The following NSRP1 variants were observed in gnomAD, a reference collection of about 807,000 sequenced individuals.
NSRP1 encodes the protein coiled-coil domain containing 55.
A neutral mutation model predicts 54.7 loss-of-function variants in NSRP1; 24 were observed. That is an observed-to-expected ratio of 0.44 (90% CI 0.32 to 0.62). NSRP1 has a LOEUF of 0.62. Ranked by LOEUF, NSRP1 falls within the 20% of genes least tolerant of loss-of-function variation. NSRP1 has a pLI of 0.06. For missense variants in NSRP1, 596 were observed against 651.2 expected, an observed-to-expected ratio of 0.92 and a Z score of 0.92; for synonymous variants, 210 against 213.8, an observed-to-expected ratio of 0.98 and a Z score of 0.15.
At chr17:30,141,473 A>G (rs139538507) in intron 2 of NSRP1, among the ~76,000 whole-genome samples, 61 of 152,280 alleles carry the variant, frequency 4.0e-4, no homozygotes, top group African/African-American at 1.4e-3. Flanking sequence ...TTTTGTCTAT[A>G]AACATGTCCA....
chr17:30,168,514 A>G (rs1904814852), intron 2 of NSRP1, among the ~76,000 whole-genome samples: 1 of 150,952 alleles, frequency 6.6e-6, no homozygotes, highest in Non-Finnish European at 1.5e-5. Context: ...ATTACATAGT[A>G]TAATTATTAT....
intron 2 of NSRP1, among the ~76,000 whole-genome samples, chr17:30,170,466 C>T (rs1230062253): frequency 2.0e-5 from 3 of 152,122 alleles, no homozygotes; most frequent in Non-Finnish European, 4.4e-5. Context: ...TCTCACCCCA[C>T]CCCTAGTAAC....
At chr17:30,150,414 GCT>G (rs1390422175) in intron 2 of NSRP1, 1 of 148,760 alleles carries the variant, frequency 6.7e-6, no homozygotes, top group Non-Finnish European at 1.5e-5. Flanking sequence ...ACGGAGTCTC[GCT>G]CTGTCACCCA....
At chr17:30,180,213 GTCGTA>G (rs1905250022) in intron 5 of NSRP1, among the ~76,000 whole-genome samples, 2 of 152,162 alleles carry the variant, frequency 1.3e-5, no homozygotes, top group Non-Finnish European at 2.9e-5. Flanking sequence ...CTGGAGTGCA[GTCGTA>G]TGATCTTGGC....
chr17:30,185,315 C>G lies in NSRP1; in HGVS notation c.1318C>G (p.Arg440Gly), dbSNP rs115609438. The G allele has an allele frequency of 7.1e-4, 1,145 of 1,605,330 alleles. 7 individuals carry two copies. The African/African-American group carries it at 0.013, about 18-fold the overall frequency. ...NNDKYRDREK[R>G]EVGVQSSERN... ...TGATAAATACAGAGATAGAGAAAAA[C>G]GAGAGGTAGGTGTTCAGTCTTCAGA... The change falls in exon 7 of 7, where the codon CGA becomes GGA. Residue 440 changes from arginine (R) to glycine (G), a missense_variant. Physicochemically the swap from Arg to Gly is moderately radical, Grantham distance 125. Coordinates refer to ENST00000247026, the MANE Select transcript of NSRP1 (RefSeq NM_032141.4).
intron 2 of NSRP1, among the ~76,000 whole-genome samples, chr17:30,162,038 T>C (rs1904534597): frequency 6.6e-6 from 1 of 151,348 alleles, no homozygotes; most frequent in Admixed American, 6.6e-5. Flanking sequence ...TTTTTTTTTT[T>C]TGAGATGGAG....
chr17:30,119,767 T>G (rs2071580747), intron 2 of NSRP1, among the ~76,000 whole-genome samples: 1 of 152,222 alleles, frequency 6.6e-6, no homozygotes. Context: ...CCTCCCAAAG[T>G]GCTGGAATTA....
intron 2 of NSRP1, among the ~76,000 whole-genome samples, chr17:30,166,062 C>CA (rs1904718967): frequency 6.6e-6 from 1 of 151,896 alleles, no homozygotes; most frequent in African/African-American, 2.4e-5. Context: ...AGCATTTCTT[C>CA]AGCCATATAT....
intron 2 of NSRP1, among the ~76,000 whole-genome samples, chr17:30,143,671 G>A (rs891161993): frequency 8.5e-5 from 13 of 152,070 alleles, no homozygotes; most frequent in African/African-American, 2.9e-4. Context: ...ACAAACTTAC[G>A]GAGTTTTTCT....
At chr17:30,183,968 A>C (rs1297245439) in intron 6 of NSRP1, among the ~76,000 whole-genome samples, 5 of 152,214 alleles carry the variant, frequency 3.3e-5, no homozygotes, top group African/African-American at 9.6e-5. Context: ...TTGGGAGGCC[A>C]GGGTGGTTGG....
At chr17:30,152,192 G>A (rs1356460164) in intron 2 of NSRP1, among the ~76,000 whole-genome samples, 4 of 151,664 alleles carry the variant, frequency 2.6e-5, no homozygotes, top group African/African-American at 7.3e-5. Context: ...GCGCGATCTC[G>A]GCTCACGGCA....
At chr17:30,151,690 A>G (rs950613381) in intron 2 of NSRP1, among the ~76,000 whole-genome samples, 2 of 151,388 alleles carry the variant, frequency 1.3e-5, no homozygotes, top group African/African-American at 4.9e-5. Context: ...CTTAAAATCT[A>G]CATATAGGTG....
chr17:30,123,412 G>A (rs965745183), intron 2 of NSRP1, among the ~76,000 whole-genome samples: 5 of 152,138 alleles, frequency 3.3e-5, no homozygotes, highest in African/African-American at 4.8e-5. Flanking sequence ...CACCGTGCCC[G>A]GCTTTACCTC....
intron 5 of NSRP1, among the ~76,000 whole-genome samples, 163 bp downstream of exon 5, chr17:30,179,460 A>G (rs1249922708): frequency 6.6e-6 from 1 of 152,242 alleles, no homozygotes; most frequent in African/African-American, 2.4e-5. Flanking sequence ...TAGCAGTATA[A>G]AACAGAAAGG....
chr17:30,181,398 CT>C (rs61484398), intron 6 of NSRP1, among the ~76,000 whole-genome samples: 58,007 of 121,750 alleles, frequency 0.48, 12,423 homozygotes, highest in East Asian at 0.74. Context: ...TTTCTTTTTT[CT>C]TTTTTTTTTT....
chr17:30,146,847 T>G (rs1157910009), intron 2 of NSRP1, among the ~76,000 whole-genome samples: 2 of 152,180 alleles, frequency 1.3e-5, no homozygotes, highest in African/African-American at 4.8e-5. Flanking sequence ...CACCTGGGCC[T>G]CACAAGGTGT....
In NSRP1 at chr17:30,118,414, T is replaced by TG. The variant is rs202099208; in HGVS notation, c.114+241_114+242insG. Among the ~76,000 whole-genome samples, 913 of 152,314 alleles carry TG rather than the reference T, an allele frequency of 6.0e-3. 4 individuals are homozygous for TG. The highest frequency in any genetic ancestry group is 0.021 in the African/African-American group (879 of 41,566). On this transcript the variant is annotated intron_variant, in intron 2 of 6. Coordinates refer to ENST00000247026, the MANE Select transcript of NSRP1 (RefSeq NM_032141.4). ...ACACGGTCTTTTCAGACTACTGAAATTGTCATAACAAAATTGTTGGTGTAA... is the reference window on the plus strand; with the variant it reads ...ACACGGTCTTTTCAGACTACTGAAATGTGTCATAACAAAATTGTTGGTGTAA...
intron 2 of NSRP1, among the ~76,000 whole-genome samples, chr17:30,163,679 C>CTTTTTTT: frequency 1.1e-5 from 1 of 90,842 alleles, no homozygotes; most frequent in Non-Finnish European, 2.0e-5. Flanking sequence ...ACTTTGACCA[C>CTTTTTTT]TTTTTTTTTT....
chr17:30,129,801 G>A (rs917089457), intron 2 of NSRP1, among the ~76,000 whole-genome samples: 1 of 152,154 alleles, frequency 6.6e-6, no homozygotes, highest in African/African-American at 2.4e-5. Flanking sequence ...ACATAGATAA[G>A]ACAAAGCATA....
Sources: allele counts gnomAD v4.1 joint callset (sites outside exome capture counted in the v4.1 genomes callset), GRCh38; gene constraint gnomAD v4.1.1; transcripts MANE v1.5; gene names NCBI Gene and HGNC (gene_info 2026-07-23, HGNC 2026-07-21).